GREM1: variants seen among roughly 807,000 people sequenced by gnomAD.
The protein encoded by GREM1 is gremlin-1.
GREM1 carries 6 observed loss-of-function variants against 13.1 expected under a neutral mutation model. That is an observed-to-expected ratio of 0.46 (90% CI 0.25 to 0.91). The LOEUF is 0.91. Ranked by LOEUF, GREM1 falls within the 40% of genes least tolerant of loss-of-function variation. GREM1 has a pLI of 0.18. For synonymous variants in GREM1, 98 were observed against 93.7 expected (o/e 1.05, Z -0.27); for missense variants, 185 against 233.9 (o/e 0.79, Z 1.36).
chr15:32,731,502 A>G lies in GREM1; in HGVS notation c.*257A>G. ...TGTAAACATATCTGCTTTAATGGGG[A>G]TGTACCAGAAACCCACCTCACCCCG... On this transcript the variant is annotated 3_prime_UTR_variant, in exon 2 of 2. Coordinates refer to ENST00000651154, the MANE Select transcript of GREM1 (RefSeq NM_013372.7). 4.0e-6 allele frequency: 2 copies of G among 502,562 alleles called. No homozygotes were observed. The highest frequency in any genetic ancestry group is 7.2e-6 in the Non-Finnish European group (2 of 276,688). The allele number at this position is 502,562 out of a possible 1,614,324, so 31.1% of individuals were successfully genotyped here. A position where few individuals can be genotyped will look rare whatever the true frequency, so the allele number is the denominator to read the frequency against.
chr15:32,718,681 T>C (rs2140662851), intron 1 of GREM1: 1 of 357,044 alleles, frequency 2.8e-6, no homozygotes, highest in Non-Finnish European at 5.5e-6. Flanking sequence ...ATCCATGATG[T>C]GTGCATTTGC....
chr15:32,721,257 C>T (rs1251790124), intron 1 of GREM1, among the ~76,000 whole-genome samples: 1 of 151,594 alleles, frequency 6.6e-6, no homozygotes, highest in East Asian at 1.9e-4. Flanking sequence ...TGTAGATTCC[C>T]TGATTGGTAA....
rs2055620965 is a variant in GREM1 at position 32,731,622 on chromosome 15, A to G, written c.*377A>G. On this transcript the variant is annotated 3_prime_UTR_variant, in exon 2 of 2. Transcript: ENST00000651154. ...GAATCTCCTTTCGGAATGAATGTTC[A>G]TGGAAGAGGCTCCTCTGAGGGCAAG... 6.3e-6 allele frequency: 2 copies of G among 316,894 alleles called. No homozygotes were observed. The highest frequency in any genetic ancestry group is 1.2e-5 in the Non-Finnish European group (2 of 163,408). 19.6% of individuals were successfully genotyped at this position (316,894 alleles called of 1,614,324 possible). A position where few individuals can be genotyped will look rare whatever the true frequency, so the allele number is the denominator to read the frequency against.
intron 1 of GREM1, among the ~76,000 whole-genome samples, chr15:32,720,053 TAGC>T (rs2055378896): frequency 6.6e-6 from 1 of 152,186 alleles, no homozygotes; most frequent in African/African-American, 2.4e-5. Context: ...CAGGGATTTT[TAGC>T]AGGGTAGTGG....
intron 1 of GREM1, among the ~76,000 whole-genome samples, chr15:32,723,052 G>A (rs1188311030): frequency 2.6e-5 from 4 of 152,318 alleles, no homozygotes; most frequent in East Asian, 1.9e-4. Flanking sequence ...ACCATAAAGT[G>A]TTTGCAGCTA....
chr15:32,732,496 C>T lies in GREM1; in HGVS notation c.*1251C>T, dbSNP rs555847992. 21 of 245,332 alleles carry T rather than the reference C, an allele frequency of 8.6e-5. No individual in the cohort carries two copies. The highest frequency in any genetic ancestry group is 1.8e-4 in the East Asian group (3 of 16,222). The allele number at this position is 245,332 out of a possible 1,614,324, so 15.2% of individuals were successfully genotyped here. On this transcript the variant is annotated 3_prime_UTR_variant, in exon 2 of 2. Transcript: ENST00000651154. Reference sequence around the variant, plus strand: ...TCAGGAGATTGGGCTAAAGAGAAGACGACGAGAGTAAGGAAATAAAGGGAA... The same window carrying T: ...TCAGGAGATTGGGCTAAAGAGAAGATGACGAGAGTAAGGAAATAAAGGGAA...
Position 32,736,923 on chromosome 15 carries a change from G to A in GREM1, c.*5678G>A, listed in dbSNP as rs1449806975. 6.6e-6 allele frequency: 1 copy of A among 152,124 alleles called. No individual in the cohort carries two copies. The highest frequency in any genetic ancestry group is 2.4e-5 in the African/African-American group (1 of 41,420). 9.4% of individuals were successfully genotyped at this position (152,124 alleles called of 1,614,324 possible). ...AGACGTGAGCTGCTCTCCACAAAAA[G>A]CCTCATGTGAGTAATAAATGTTTCA... On this transcript the variant is annotated 3_prime_UTR_variant, in exon 2 of 2. Coordinates refer to ENST00000651154, the MANE Select transcript of GREM1 (RefSeq NM_013372.7).
rs2055726547 is a variant in GREM1, at chr15:32,738,125, A to AAAAACAAAAAAAAAC, written c.*6884_*6885insCAAAAAAAAACAAAA. On this transcript the variant is annotated 3_prime_UTR_variant, in exon 2 of 2. Coordinates refer to ENST00000651154, the MANE Select transcript of GREM1 (RefSeq NM_013372.7). ...AAAAAAAAAAAAAAAAAAAAAAAAAAAAAAAAAAGAAAAGAAAAAAGTCAT... is the reference window on the plus strand; with the variant it reads ...AAAAAAAAAAAAAAAAAAAAAAAAAAAAAACAAAAAAAAACAAAAAAAAGAAAAGAAAAAAGTCAT... 8 of 27,966 alleles carry AAAAACAAAAAAAAAC rather than the reference A, an allele frequency of 2.9e-4. No homozygotes were observed. Among genetic ancestry groups the AAAAACAAAAAAAAAC allele is most frequent in the Admixed American group, 4.4e-4 (1 of 2,284 alleles). 1.7% of individuals were successfully genotyped at this position (27,966 alleles called of 1,614,324 possible).
chr15:32,737,023 A>G lies in GREM1; in HGVS notation c.*5778A>G, dbSNP rs1181398629. 1 of 152,232 alleles carries G rather than the reference A, an allele frequency of 6.6e-6. No homozygotes were observed. The highest frequency in any genetic ancestry group is 1.5e-5 in the Non-Finnish European group (1 of 68,036). 9.4% of individuals were successfully genotyped at this position (152,232 alleles called of 1,614,324 possible). On this transcript the variant is annotated 3_prime_UTR_variant, in exon 2 of 2. Transcript: ENST00000651154. Reference sequence around the variant, plus strand: ...ATTTTGGTGACATTTCATCTTGTTTATGCAGATGTCCACCACACCTATAAA... The same window carrying G: ...ATTTTGGTGACATTTCATCTTGTTTGTGCAGATGTCCACCACACCTATAAA...
chr15:32,732,590 C>G lies in GREM1; in HGVS notation c.*1345C>G, dbSNP rs1595853821. ...GATGTAAGGGATATGACCTCCCTTT[C>G]TTTATGTGCTCACTGAGGATCTGAG... On this transcript the variant is annotated 3_prime_UTR_variant, in exon 2 of 2. Coordinates refer to ENST00000651154, the MANE Select transcript of GREM1 (RefSeq NM_013372.7). 4.1e-6 allele frequency: 1 copy of G among 245,586 alleles called. No individual in the cohort carries two copies. Among genetic ancestry groups the G allele is most frequent in the African/African-American group, 2.2e-5 (1 of 45,202 alleles). 15.2% of individuals were successfully genotyped at this position (245,586 alleles called of 1,614,324 possible).
At chr15:32,718,698 C>G (rs909568032) in intron 1 of GREM1, 1 of 351,834 alleles carries the variant, frequency 2.8e-6, no homozygotes, top group Non-Finnish European at 5.6e-6. Flanking sequence ...TTGCCGATCC[C>G]CGAGGTGAGA....
rs916509664 is a variant in GREM1 at position 32,739,942 on chromosome 15, A to G, written c.*8697A>G. 1 of 152,266 alleles carries G rather than the reference A, an allele frequency of 6.6e-6. No individual in the cohort carries two copies. The highest frequency in any genetic ancestry group is 2.4e-5 in the African/African-American group (1 of 41,458). The allele number at this position is 152,266 out of a possible 1,614,324, so 9.4% of individuals were successfully genotyped here. A position where few individuals can be genotyped will look rare whatever the true frequency, so the allele number is the denominator to read the frequency against. ...TTGGAGCTCTGACAGAATTGGTACT[A>G]TCTAGCTACCTGGGGAAGGACAGAG... On this transcript the variant is annotated 3_prime_UTR_variant, in exon 2 of 2. Transcript: ENST00000651154.
chr15:32,722,616 T>C (rs2055426607), intron 1 of GREM1, among the ~76,000 whole-genome samples: 1 of 152,214 alleles, frequency 6.6e-6, no homozygotes, highest in Non-Finnish European at 1.5e-5. Context: ...TGGAATACAT[T>C]GCCATGACCT....
Position 32,745,101 on chromosome 15 carries a change from C to CTAA in GREM1, c.*13858_*13860dup, listed in dbSNP as rs1237165565. 2 of 152,140 alleles carry CTAA rather than the reference C, an allele frequency of 1.3e-5. No homozygotes were observed. Among genetic ancestry groups the CTAA allele is most frequent in the Admixed American group, 1.3e-4 (2 of 15,270 alleles). 9.4% of individuals were successfully genotyped at this position (152,140 alleles called of 1,614,324 possible). ...AAATTAGATAAATAAAATGATTTGC[C>CTAA]TAATGCCTCATGAGTGATTTGCTTT... On this transcript the variant is annotated 3_prime_UTR_variant, in exon 2 of 2. Coordinates refer to ENST00000651154, the MANE Select transcript of GREM1 (RefSeq NM_013372.7).
chr15:32,731,219 C>T lies in GREM1; in HGVS notation c.529C>T (p.Arg177Cys). Residue 177 changes from arginine (R) to cysteine (C), a missense_variant, in exon 2 of 2, where the codon CGT becomes TGT. Physicochemically the swap from Arg to Cys is radical, Grantham distance 180. Coordinates refer to ENST00000651154, the MANE Select transcript of GREM1 (RefSeq NM_013372.7). ...GAGAGTCACACGTGTGAAGCAGTGT[C>T]GTTGCATATCCATCGATTTGGATTA... ...KKRVTRVKQC[R>C]CISIDLD The T allele has an allele frequency of 3.1e-6, 5 of 1,613,688 alleles. No individual in the cohort carries two copies. The South Asian group carries it at 3.3e-5, about 11-fold the overall frequency.
In GREM1 at chr15:32,735,006, A is replaced by T. The variant is rs79117013; in HGVS notation, c.*3761A>T. ...TCATTTCAGGGTGTTCCAGGGGAAAAGCAGGAGAAAGATTTGGGGCTCAGT... is the reference window on the plus strand; with the variant it reads ...TCATTTCAGGGTGTTCCAGGGGAAATGCAGGAGAAAGATTTGGGGCTCAGT... On this transcript the variant is annotated 3_prime_UTR_variant, in exon 2 of 2. Transcript: ENST00000651154. 4.8e-3 allele frequency: 739 copies of T among 152,774 alleles called. 7 individuals carry two copies. The highest frequency in any genetic ancestry group is 0.017 in the African/African-American group (709 of 41,574). The allele number at this position is 152,774 out of a possible 1,614,324, so 9.5% of individuals were successfully genotyped here.
At chr15:32,723,948 T>C (rs1420416086) in intron 1 of GREM1, among the ~76,000 whole-genome samples, 1 of 152,246 alleles carries the variant, frequency 6.6e-6, no homozygotes, top group East Asian at 1.9e-4. Context: ...ATCCAAAGGA[T>C]AGCAATTGGC....
chr15:32,724,762 A>G (rs2055469662), intron 1 of GREM1, among the ~76,000 whole-genome samples: 3 of 151,780 alleles, frequency 2.0e-5, no homozygotes, highest in African/African-American at 7.3e-5. Context: ...TACATTAGGT[A>G]TTTCTCCTAA....
At chr15:32,727,094 T>C (rs992673255) in intron 1 of GREM1, among the ~76,000 whole-genome samples, 1 of 152,166 alleles carries the variant, frequency 6.6e-6, no homozygotes, top group Non-Finnish European at 1.5e-5. Flanking sequence ...GAGGAGCTAG[T>C]ACCATTCCTT....
Sources: gnomAD v4.1 joint callset for allele counts (sites outside exome capture counted in the v4.1 genomes callset) on GRCh38, gnomAD v4.1.1 for gene constraint, MANE v1.5 for transcripts, NCBI Gene and HGNC (gene_info 2026-07-23, HGNC 2026-07-21) for gene names.